The following ZNF341 variants were observed in gnomAD, a reference collection of about 807,000 sequenced individuals.
ZNF341 encodes the protein zinc finger protein 341.
Under a neutral mutation model 87.7 loss-of-function variants are expected in ZNF341, and 52 were observed. That is an observed-to-expected ratio of 0.59 (90% CI 0.47 to 0.75). The LOEUF is 0.75. ZNF341 is among the 30% of genes least tolerant of loss of function. The probability of loss-of-function intolerance (pLI) is 0.00; values close to 1 mark genes in which losing one functional copy is unlikely to be tolerated. For synonymous variants in ZNF341, 459 were observed against 472.7 expected (o/e 0.97, Z 0.38); for missense variants, 977 against 1,145.9 (o/e 0.85, Z 2.13).
At chr20:33,775,356 A>T (rs1601279921) in intron 10 of ZNF341, among the ~76,000 whole-genome samples, 2 of 151,578 alleles carry the variant, frequency 1.3e-5, no homozygotes, top group South Asian at 4.2e-4. Context: ...ACTACAAGGC[A>T]CCTGCCACCA....
chr20:33,770,847 G>A (rs1026622001), intron 10 of ZNF341, among the ~76,000 whole-genome samples: 2 of 152,154 alleles, frequency 1.3e-5, no homozygotes, highest in Non-Finnish European at 2.9e-5. Context: ...TTGGCTGGGC[G>A]TGGTGGCTCA....
intron 1 of ZNF341, among the ~76,000 whole-genome samples, chr20:33,738,392 C>T (rs2018735051): frequency 6.6e-6 from 1 of 152,094 alleles, no homozygotes; most frequent in African/African-American, 2.4e-5. Context: ...AATGTAGGTT[C>T]CTCTTATCCT....
intron 10 of ZNF341, among the ~76,000 whole-genome samples, chr20:33,772,077 A>G (rs73265558): frequency 0.036 from 5,237 of 145,426 alleles, 307 homozygotes; most frequent in African/African-American, 0.12. Context: ...ACCTCTGATC[A>G]TCCTTGTTGA....
chr20:33,785,458 C>T (rs185063435), intron 12 of ZNF341, among the ~76,000 whole-genome samples: 29 of 152,292 alleles, frequency 1.9e-4, no homozygotes, highest in Non-Finnish European at 3.2e-4. Flanking sequence ...GTGCCTCAGC[C>T]TCCCGAGTAG....
At chr20:33,789,778 A>G (rs2019959228) in intron 14 of ZNF341, among the ~76,000 whole-genome samples, 190 bp downstream of exon 14, 1 of 152,196 alleles carries the variant, frequency 6.6e-6, no homozygotes, top group Non-Finnish European at 1.5e-5. Flanking sequence ...GTGAACAGAG[A>G]TGAATCAGAC....
intron 2 of ZNF341, among the ~76,000 whole-genome samples, chr20:33,741,458 G>A (rs1288431065): frequency 6.6e-6 from 1 of 150,634 alleles, no homozygotes; most frequent in Non-Finnish European, 1.5e-5. Flanking sequence ...AGGCTGGAGT[G>A]CAGGGCACGA....
chr20:33,776,630 C>A (rs1169462503), intron 10 of ZNF341, among the ~76,000 whole-genome samples: 1 of 152,204 alleles, frequency 6.6e-6, no homozygotes, highest in East Asian at 1.9e-4. Flanking sequence ...AAGCGGTCCA[C>A]CTGCCTTGTT....
intron 6 of ZNF341, 89 bp from the exon 7 acceptor site, chr20:33,758,627 C>G: frequency 9.9e-7 from 1 of 1,011,146 alleles, no homozygotes; most frequent in Non-Finnish European, 1.5e-6. Context: ...TATGGATTGT[C>G]TGGCTCAGAT....
intron 3 of ZNF341, among the ~76,000 whole-genome samples, chr20:33,746,485 G>A (rs2018928250): frequency 6.6e-6 from 1 of 152,046 alleles, no homozygotes. Flanking sequence ...CCCCGCCTCG[G>A]CCGCCCAAAG....
In ZNF341 at chr20:33,770,113, C is replaced by T; in HGVS notation, c.1443C>T (p.Ala481=). The change falls in exon 10 of 15, where the codon GCC becomes GCT. Residue 481 remains alanine (A), a synonymous_variant. Transcript: ENST00000375200. The part of the protein sequence containing the change: ...QVYKCVVKSC[A]QTFPKLDTFL... ...ACAAGTGTGTGGTCAAAAGCTGTGC[C>T]CAGACGTTCCCAAAGCTCGACACAT... is the stretch of plus-strand genomic sequence containing the variant. The T allele has an allele frequency of 6.2e-7, 1 of 1,613,868 alleles. No homozygotes were observed. The highest frequency in any genetic ancestry group is 2.2e-5 in the East Asian group (1 of 44,884).
At chr20:33,753,553 G>T (rs1255991579) in intron 5 of ZNF341, 130 bp downstream of exon 5, 2 of 1,245,870 alleles carry the variant, frequency 1.6e-6, no homozygotes, top group South Asian at 3.2e-5. Context: ...CCCGGTCCTG[G>T]CCTTCATGGG....
At chr20:33,768,215 C>T (rs2019450594) in intron 9 of ZNF341, among the ~76,000 whole-genome samples, 1 of 152,066 alleles carries the variant, frequency 6.6e-6, no homozygotes, top group South Asian at 2.1e-4. Flanking sequence ...CTCCACCTCC[C>T]ACGTTCAAGG....
intron 12 of ZNF341, chr20:33,787,538 CCAA>C (rs1433375441): frequency 6.6e-6 from 1 of 152,210 alleles, no homozygotes. Context: ...ACAGCCCCTT[CCAA>C]AGGGCAGGCT....
intron 10 of ZNF341, among the ~76,000 whole-genome samples, chr20:33,776,650 G>A (rs767619973): frequency 3.3e-5 from 5 of 152,036 alleles, no homozygotes; most frequent in Non-Finnish European, 7.4e-5. Flanking sequence ...TCTCCCAAAG[G>A]TCTGGGATTA....
chr20:33,770,343 G>GGGGGGGGGGGGGGGC, intron 10 of ZNF341, 51 bp downstream of exon 10: 1 of 511,254 alleles, frequency 2.0e-6, no homozygotes, highest in East Asian at 5.9e-5. Flanking sequence ...GGTGGGCAGG[G>GGGGGGGGGGGGGGGC]AGCCCAGGGC....
intron 5 of ZNF341, among the ~76,000 whole-genome samples, chr20:33,755,334 C>A (rs1417128439): frequency 1.3e-5 from 2 of 151,534 alleles, no homozygotes; most frequent in Admixed American, 6.6e-5. Context: ...GATGTTTTTT[C>A]TTTTCTAAAT....
intron 10 of ZNF341, among the ~76,000 whole-genome samples, chr20:33,775,690 T>C (rs1218191106): frequency 6.6e-6 from 1 of 152,078 alleles, no homozygotes. Context: ...TATTTTGTCA[T>C]AATTTTATTA....
rs1023132697 is a variant in ZNF341 at position 33,752,368 on chromosome 20, A to C, written c.490-804A>C. On this transcript the variant is annotated intron_variant, in intron 4 of 14. Coordinates refer to ENST00000375200, the MANE Select transcript of ZNF341 (RefSeq NM_001282933.2). Reference sequence around the variant, plus strand: ...GGCTGGTATCAATGCACACATCTGGAGTTCCCATCTCCTTCATGGCAAGTT... The same window carrying C: ...GGCTGGTATCAATGCACACATCTGGCGTTCCCATCTCCTTCATGGCAAGTT... The C allele has an allele frequency of 1.0e-4, 63 of 628,854 alleles. No homozygotes were observed. In the Admixed American group the frequency reaches 1.2e-3, roughly 12 times the overall value. The allele number at this position is 628,854 out of a possible 1,614,324, so 39.0% of individuals were successfully genotyped here. A position where few individuals can be genotyped will look rare whatever the true frequency, so the allele number is the denominator to read the frequency against.
chr20:33,742,988 A>G (rs376654710), intron 2 of ZNF341, among the ~76,000 whole-genome samples: 19 of 151,076 alleles, frequency 1.3e-4, no homozygotes, highest in Non-Finnish European at 2.1e-4. Flanking sequence ...GTGAATAGCC[A>G]CTGTGCTGCA....
Sources: allele counts gnomAD v4.1 joint callset (sites outside exome capture counted in the v4.1 genomes callset), GRCh38; gene constraint gnomAD v4.1.1; transcripts MANE v1.5; gene names NCBI Gene and HGNC (gene_info 2026-07-23, HGNC 2026-07-21).